LGSN: variants seen among roughly 807,000 people sequenced by gnomAD.
The protein encoded by LGSN is lengsin, lens protein with glutamine synthetase domain.
In LGSN, 21 loss-of-function variants were observed where a neutral mutation model predicts 19.5. The ratio of observed to expected loss-of-function variants is 1.07; its 90% CI spans 0.76 to 1.55. LGSN has a LOEUF of 1.55. Ranked by LOEUF, LGSN falls within the 40% of genes most tolerant of loss-of-function variation. The probability of loss-of-function intolerance (pLI) is 0.00; values close to 1 mark genes in which losing one functional copy is unlikely to be tolerated. For synonymous variants in LGSN, 257 were observed against 215.6 expected (o/e 1.19, Z -1.68); for missense variants, 673 against 608.5 (o/e 1.11, Z -1.12).
chr6:63,529,131 G>GTGTGTATATATATATATGTATATATA, the LGSN span, among the ~76,000 whole-genome samples: 992 of 130,112 alleles, frequency 7.6e-3, 11 homozygotes, highest in African/African-American at 0.029. Flanking sequence ...GTATATATAT[G>GTGTGTATATATATATATGTATATATA]TGTGTGTATA....
chr6:63,307,845 C>A (rs927428425), intron 1 of LGSN, among the ~76,000 whole-genome samples: 1 of 152,142 alleles, frequency 6.6e-6, no homozygotes, highest in African/African-American at 2.4e-5. Flanking sequence ...CTAAGAAGCT[C>A]CAGATTCTAA....
At chr6:63,348,067 A>C in the LGSN span, among the ~76,000 whole-genome samples, 2 of 152,374 alleles carry the variant, frequency 1.3e-5, no homozygotes, top group South Asian at 4.1e-4. Flanking sequence ...ATTTATAACA[A>C]AAGAAAGCAT....
At chr6:63,316,482 C>T (rs1176001042) in intron 1 of LGSN, among the ~76,000 whole-genome samples, 2 of 151,928 alleles carry the variant, frequency 1.3e-5, no homozygotes, top group East Asian at 1.9e-4. Context: ...CATAATTTTA[C>T]AAAGGTCTAA....
At chr6:63,483,869 G>T in the LGSN span, among the ~76,000 whole-genome samples, 1 of 149,744 alleles carries the variant, frequency 6.7e-6, no homozygotes, top group South Asian at 2.1e-4. Context: ...TCTACTCTGA[G>T]AATCTTTAAA....
In LGSN at chr6:63,281,099, G is replaced by A; in HGVS notation, c.452C>T (p.Pro151Leu). 6.2e-7 allele frequency: 1 copy of A among 1,613,690 alleles called. No homozygotes were observed. Among genetic ancestry groups the A allele is most frequent in the Non-Finnish European group, 8.5e-7 (1 of 1,179,950 alleles). Reference sequence around the variant, plus strand: ...CAAAACTCTAAAGGTTGATAACTCTGGCATTAGGACTATGTCGCTATTAAA... The same window carrying A: ...CAAAACTCTAAAGGTTGATAACTCTAGCATTAGGACTATGTCGCTATTAAA... Reference protein sequence around the residue: ...TCFNSDIVLMPELSTFRVLPW... With the variant: ...TCFNSDIVLMLELSTFRVLPW... The change falls in exon 4 of 4, where the codon CCA becomes CTA. Residue 151 changes from proline (P) to leucine (L), a missense_variant. Transcript: ENST00000370657.
the LGSN span, among the ~76,000 whole-genome samples, chr6:63,547,910 A>T: frequency 1.2e-4 from 18 of 152,276 alleles, no homozygotes; most frequent in African/African-American, 4.3e-4. Context: ...CACAAATTTG[A>T]TTTAAGGCTT....
At chr6:63,481,445 C>T in the LGSN span, among the ~76,000 whole-genome samples, 4 of 151,806 alleles carry the variant, frequency 2.6e-5, no homozygotes, top group South Asian at 6.2e-4. Context: ...CAGGTTCAAG[C>T]GATTCTCCCG....
intron 1 of LGSN, among the ~76,000 whole-genome samples, chr6:63,296,616 C>T (rs1392418875): frequency 6.6e-6 from 1 of 151,908 alleles, no homozygotes; most frequent in African/African-American, 2.4e-5. Context: ...TGACCCTTTG[C>T]TCATATATAA....
At chr6:63,558,959 C>G in the LGSN span, among the ~76,000 whole-genome samples, 6 of 152,154 alleles carry the variant, frequency 3.9e-5, no homozygotes, top group Non-Finnish European at 7.3e-5. Context: ...ATAGTAAGCA[C>G]TGAATAAATG....
At chr6:63,472,651 C>G in the LGSN span, among the ~76,000 whole-genome samples, 1 of 152,120 alleles carries the variant, frequency 6.6e-6, no homozygotes, top group Non-Finnish European at 1.5e-5. Flanking sequence ...AAAATTATGC[C>G]CAATTCGGGC....
intron 2 of LGSN, among the ~76,000 whole-genome samples, chr6:63,294,394 G>A (rs1176208828): frequency 6.6e-6 from 1 of 151,964 alleles, no homozygotes; most frequent in Admixed American, 6.6e-5. Context: ...ACTAAAATCT[G>A]ACTGCTTTTT....
At chr6:63,556,755 T>C in the LGSN span, among the ~76,000 whole-genome samples, 1 of 152,220 alleles carries the variant, frequency 6.6e-6, no homozygotes, top group South Asian at 2.1e-4. Context: ...GAATAAAAAG[T>C]ATGATTATTC....
the LGSN span, among the ~76,000 whole-genome samples, chr6:63,335,643 A>G: frequency 5.9e-5 from 9 of 152,328 alleles, no homozygotes; most frequent in South Asian, 1.9e-3. Context: ...TAGAATGGCT[A>G]TTGTCAAAAA....
At chr6:63,405,328 G>C in the LGSN span, among the ~76,000 whole-genome samples, 1 of 152,104 alleles carries the variant, frequency 6.6e-6, no homozygotes, top group Non-Finnish European at 1.5e-5. Flanking sequence ...CCCAGTAATG[G>C]GATGGCTGGG....
the LGSN span, among the ~76,000 whole-genome samples, chr6:63,565,857 TAA>T: frequency 1.3e-5 from 2 of 152,232 alleles, no homozygotes; most frequent in African/African-American, 2.4e-5. Context: ...GGAAGAAAAT[TAA>T]GTCACTTTTT....
chr6:63,318,567 A>G (rs926886101), intron 1 of LGSN, among the ~76,000 whole-genome samples: 2 of 152,180 alleles, frequency 1.3e-5, no homozygotes, highest in Admixed American at 6.5e-5. Context: ...TCCAACTTTG[A>G]GGGAACTTTT....
the LGSN span, among the ~76,000 whole-genome samples, chr6:63,328,366 G>T: frequency 6.6e-6 from 1 of 152,200 alleles, no homozygotes; most frequent in Non-Finnish European, 1.5e-5. Flanking sequence ...GGGCAGGGTT[G>T]AGGGCCACGC....
the LGSN span, among the ~76,000 whole-genome samples, chr6:63,466,640 C>T: frequency 9.7e-3 from 1,480 of 152,180 alleles, 18 homozygotes; most frequent in African/African-American, 0.033. Context: ...GCCAGCAGGG[C>T]CTGTTGACAG....
the LGSN span, among the ~76,000 whole-genome samples, chr6:63,551,687 TC>T: frequency 9.2e-6 from 1 of 108,846 alleles, no homozygotes; most frequent in Admixed American, 1.0e-4. Context: ...CCCTCCCCCC[TC>T]CCCCTACCCC....
Sources: gnomAD v4.1 joint callset for allele counts (sites outside exome capture counted in the v4.1 genomes callset) on GRCh38, gnomAD v4.1.1 for gene constraint, MANE v1.5 for transcripts, NCBI Gene and HGNC (gene_info 2026-07-23, HGNC 2026-07-21) for gene names.